Variants in STYX observed in about 807,000 individuals in gnomAD.
STYX encodes serine/threonine/tyrosine interacting protein.
A neutral mutation model predicts 42.7 loss-of-function variants in STYX; 20 were observed. The ratio of observed to expected loss-of-function variants is 0.47; its 90% CI spans 0.33 to 0.68. The LOEUF is 0.68. STYX is among the 30% of genes least tolerant of loss of function. The pLI, the probability that STYX is intolerant of heterozygous loss-of-function variation, is 0.02. For synonymous variants in STYX, 78 were observed against 81.9 expected (o/e 0.95, Z 0.26); for missense variants, 226 against 268.5 (o/e 0.84, Z 1.11).
chr14:52,753,638 A>G (rs1881722753), intron 4 of STYX, among the ~76,000 whole-genome samples: 1 of 152,284 alleles, frequency 6.6e-6, no homozygotes, highest in African/African-American at 2.4e-5. Context: ...TATACATTAA[A>G]TCATCTCTAG....
In STYX at chr14:52,771,395, A is replaced by T; in HGVS notation, c.*289A>T. On this transcript the variant is annotated 3_prime_UTR_variant, in exon 11 of 11. Transcript: ENST00000354586. The stretch of plus-strand genomic sequence containing the variant: ...AATTTTGGACTTGCAAAGAGGTATT[A>T]TTGCAATAATGCACTTTTCATACTT... 1 of 258,640 alleles carries T rather than the reference A, an allele frequency of 3.9e-6. No individual in the cohort carries two copies. The allele number at this position is 258,640 out of a possible 1,614,324, so 16.0% of individuals were successfully genotyped here.
At position 52,774,593 on chromosome 14, in the gene STYX, T is replaced by A. The variant is rs1882646897; in HGVS notation, c.*3487T>A. ...CTCTAGGGTCTTTGAATGCTGGAAT[T>A]TTTTTTTTTTTTTTTGTCTTTCCCA... On this transcript the variant is annotated 3_prime_UTR_variant, in exon 11 of 11. Transcript: ENST00000354586. The A allele has an allele frequency of 2.5e-5, 1 of 39,722 alleles. No homozygotes were observed. The highest frequency in any genetic ancestry group is 5.8e-5 in the Non-Finnish European group (1 of 17,118). The allele number at this position is 39,722 out of a possible 1,614,324, so 2.5% of individuals were successfully genotyped here.
chr14:52,730,744 T>TA (rs1344210477), intron 1 of STYX, among the ~76,000 whole-genome samples: 1 of 152,236 alleles, frequency 6.6e-6, no homozygotes, highest in African/African-American at 2.4e-5. Flanking sequence ...CTGGTGTACT[T>TA]ACATTTGAGA....
At chr14:52,737,983 A>G (rs755899441) in intron 1 of STYX, among the ~76,000 whole-genome samples, 1 of 152,138 alleles carries the variant, frequency 6.6e-6, no homozygotes, top group Non-Finnish European at 1.5e-5. Context: ...CAACCATGTT[A>G]GCCAGGATGG....
chr14:52,760,949 A>G (rs941437404), intron 9 of STYX, among the ~76,000 whole-genome samples: 20 of 152,316 alleles, frequency 1.3e-4, no homozygotes, highest in Admixed American at 3.9e-4. Context: ...AAACAATCCA[A>G]TAATGCTCTT....
At chr14:52,738,210 C>T (rs1881038867) in intron 1 of STYX, among the ~76,000 whole-genome samples, 1 of 152,198 alleles carries the variant, frequency 6.6e-6, no homozygotes, top group Non-Finnish European at 1.5e-5. Context: ...AGAAAGCTTT[C>T]TAGGTTTCAA....
At chr14:52,733,095 T>A (rs1049336978) in intron 1 of STYX, among the ~76,000 whole-genome samples, 1 of 152,168 alleles carries the variant, frequency 6.6e-6, no homozygotes, top group African/African-American at 2.4e-5. Context: ...ATAAGTGATG[T>A]GCCAAATTAA....
chr14:52,744,681 G>A (rs951933028), intron 1 of STYX, among the ~76,000 whole-genome samples, 171 bp from the exon 2 acceptor site: 2 of 152,102 alleles, frequency 1.3e-5, no homozygotes, highest in African/African-American at 4.8e-5. Flanking sequence ...TTTGTTTCTT[G>A]TCACTTCAAT....
intron 10 of STYX, 62 bp downstream of exon 10, chr14:52,768,995 G>A (rs775197505): frequency 8.6e-5 from 109 of 1,262,462 alleles, no homozygotes; most frequent in Non-Finnish European, 1.2e-4. Context: ...TGGAGAACTT[G>A]CTACAAGTTA....
At chr14:52,747,898 G>A (rs1478905832) in intron 3 of STYX, among the ~76,000 whole-genome samples, 2 of 152,108 alleles carry the variant, frequency 1.3e-5, no homozygotes, top group African/African-American at 2.4e-5. Context: ...AGGCTGAGGC[G>A]CGAGAATTGC....
At position 52,744,898 on chromosome 14, in the gene STYX, T is replaced by A; in HGVS notation, c.90+14T>A. On this transcript the variant is annotated intron_variant, in intron 2 of 10. Coordinates refer to ENST00000354586, the MANE Select transcript of STYX (RefSeq NM_145251.4). ...CGAGAGATGCAGGTATGGCAACCTT[T>A]TCTTTGTTCAAACCAACCCATGTTA... is the stretch of plus-strand genomic sequence containing the variant. 2.5e-6 allele frequency: 4 copies of A among 1,612,836 alleles called. No individual in the cohort carries two copies. Among genetic ancestry groups the A allele is most frequent in the Non-Finnish European group, 3.4e-6 (4 of 1,179,542 alleles).
chr14:52,759,675 T>A lies in STYX; in HGVS notation c.432-7T>A. 2.5e-6 allele frequency: 4 copies of A among 1,588,590 alleles called. No homozygotes were observed. Among genetic ancestry groups the A allele is most frequent in the Non-Finnish European group, 3.5e-6 (4 of 1,159,280 alleles). The stretch of plus-strand genomic sequence containing the variant: ...CTATCACATTAACACTCTTTTTCTG[T>A]TTTCAGAGATGCTTTTGCTTATGTT... On this transcript the variant is annotated splice_region_variant and splice_polypyrimidine_tract_variant and intron_variant, in intron 8 of 10. Coordinates refer to ENST00000354586, the MANE Select transcript of STYX (RefSeq NM_145251.4).
chr14:52,766,989 GAA>G (rs1267374106), intron 9 of STYX, among the ~76,000 whole-genome samples: 2 of 152,002 alleles, frequency 1.3e-5, no homozygotes, highest in Non-Finnish European at 2.9e-5. Flanking sequence ...TTGACCTCAC[GAA>G]ACTTATTTAG....
intron 1 of STYX, among the ~76,000 whole-genome samples, chr14:52,732,089 T>A (rs1594860078): frequency 1.0e-5 from 1 of 96,328 alleles, no homozygotes. Context: ...AATATACTCA[T>A]GGTTTTTTTT....
At position 52,774,680 on chromosome 14, in the gene STYX, A is replaced by G. The variant is rs1363550730; in HGVS notation, c.*3574A>G. The stretch of plus-strand genomic sequence containing the variant: ...CAGGTTTACATGTTAGCTCTCTCTC[A>G]TAGGGAGCTGCCATACCTCACAGTT... On this transcript the variant is annotated 3_prime_UTR_variant, in exon 11 of 11. Coordinates refer to ENST00000354586, the MANE Select transcript of STYX (RefSeq NM_145251.4). 1.3e-5 allele frequency: 2 copies of G among 150,724 alleles called. No individual in the cohort carries two copies. The highest frequency in any genetic ancestry group is 2.9e-5 in the Non-Finnish European group (2 of 67,900). The allele number at this position is 150,724 out of a possible 1,614,324, so 9.3% of individuals were successfully genotyped here.
chr14:52,734,613 A>G (rs1040895014), intron 1 of STYX, among the ~76,000 whole-genome samples: 12 of 152,220 alleles, frequency 7.9e-5, no homozygotes, highest in Non-Finnish European at 1.6e-4. Flanking sequence ...CATGTATTTC[A>G]TATTATATCA....
At chr14:52,741,679 G>T (rs754519388) in intron 1 of STYX, among the ~76,000 whole-genome samples, 1 of 152,170 alleles carries the variant, frequency 6.6e-6, no homozygotes, top group African/African-American at 2.4e-5. Context: ...CAAGTGATCC[G>T]CCTACCTCAG....
chr14:52,745,123 G>T (rs201127833), intron 2 of STYX, among the ~76,000 whole-genome samples: 122 of 132,280 alleles, frequency 9.2e-4, no homozygotes, highest in Middle Eastern at 7.8e-3. Flanking sequence ...TTTTTTTTTT[G>T]TTTTTTTTTT....
intron 9 of STYX, among the ~76,000 whole-genome samples, chr14:52,763,230 G>A (rs1882170005): frequency 6.6e-6 from 1 of 152,054 alleles, no homozygotes; most frequent in South Asian, 2.1e-4. Flanking sequence ...CACTTTGGAT[G>A]TATTTATGAT....
Sources: allele counts gnomAD v4.1 joint callset (sites outside exome capture counted in the v4.1 genomes callset), GRCh38; gene constraint gnomAD v4.1.1; transcripts MANE v1.5; gene names NCBI Gene and HGNC (gene_info 2026-07-23, HGNC 2026-07-21).